Variants in TMEM40 observed in about 807,000 individuals in gnomAD.
TMEM40 encodes the protein transmembrane protein 40.
TMEM40 carries 34 observed loss-of-function variants against 40.8 expected under a neutral mutation model. The observed-to-expected ratio is 0.83, with a 90% CI of 0.63 to 1.11. TMEM40 has a LOEUF of 1.11. Ranked by LOEUF, TMEM40 falls within the 50% of genes least tolerant of loss-of-function variation. The probability of loss-of-function intolerance (pLI) is 0.00; values close to 1 mark genes in which losing one functional copy is unlikely to be tolerated. For missense variants in TMEM40, 296 were observed against 280.2 expected, an observed-to-expected ratio of 1.06 and a Z score of -0.40; for synonymous variants, 106 against 107.0, an observed-to-expected ratio of 0.99 and a Z score of 0.06.
chr3:12,756,322 T>G (rs1446272660), intron 1 of TMEM40, among the ~76,000 whole-genome samples: 4 of 152,130 alleles, frequency 2.6e-5, no homozygotes, highest in African/African-American at 9.7e-5. Flanking sequence ...TGTATATACA[T>G]GTACATATCT....
At position 12,742,456 on chromosome 3, in the gene TMEM40, C is replaced by A. The variant is rs747005245; in HGVS notation, c.353G>T (p.Gly118Val). The A allele has an allele frequency of 6.2e-7, 1 of 1,613,926 alleles. No individual in the cohort carries two copies. Among genetic ancestry groups the A allele is most frequent in the Non-Finnish European group, 8.5e-7 (1 of 1,179,900 alleles). ...DVLKDELQLY[G>V]DAPGEVVPSG... ...AAAGCTACTGGGCAACTGATTACCT[C>A]CATAGAGTTGAAGCTCATCCTTCAA... The change falls in exon 5 of 12, where the codon GGA becomes GTA. Residue 118 changes from glycine to valine, a missense_variant and splice_region_variant. Coordinates refer to ENST00000314124, the MANE Select transcript of TMEM40 (RefSeq NM_018306.4).
intron 1 of TMEM40, among the ~76,000 whole-genome samples, chr3:12,757,119 G>T (rs1218006141): frequency 2.0e-5 from 3 of 152,112 alleles, no homozygotes; most frequent in African/African-American, 7.2e-5. Context: ...ACGGACAGAG[G>T]ATTCGAATAG....
At chr3:12,748,878 G>A (rs866779287) in intron 2 of TMEM40, 86 bp from the exon 3 acceptor site, 1 of 1,230,614 alleles carries the variant, frequency 8.1e-7, no homozygotes, top group African/African-American at 1.5e-5. Flanking sequence ...GGTTCTACTT[G>A]GATTTGGAGA....
At position 12,741,767 on chromosome 3, in the gene TMEM40, CAAAA is replaced by C. The variant is rs59665318; in HGVS notation, c.355+683_355+686del. ...AACCAGATTATACTTGTTTTTGTAA[CAAAA>C]AAAAAAAAAAAAAGAAAGAAGGAAA... On this transcript the variant is annotated intron_variant, in intron 5 of 11. Transcript: ENST00000314124. Among the ~76,000 whole-genome samples the C allele has an allele frequency of 7.2e-5, 9 of 125,626 alleles. 1 individual carries two copies. Among genetic ancestry groups the C allele is most frequent in the South Asian group, 5.9e-4 (2 of 3,402 alleles). The allele number at this position is 125,626 out of a possible 152,430, so 82.4% of individuals were successfully genotyped here. A position where few individuals can be genotyped will look rare whatever the true frequency, so the allele number is the denominator to read the frequency against.
At chr3:12,740,661 C>A (rs13433775) in intron 5 of TMEM40, among the ~76,000 whole-genome samples, 63,686 of 151,542 alleles carry the variant, frequency 0.42, 13,606 homozygotes, top group Non-Finnish European at 0.46. Context: ...AGTTCAAGAC[C>A]AGCTTGGGCC....
chr3:12,740,968 C>G (rs1381784405), intron 5 of TMEM40, among the ~76,000 whole-genome samples: 2 of 152,156 alleles, frequency 1.3e-5, no homozygotes, highest in Admixed American at 1.3e-4. Context: ...TTTGCACATG[C>G]CTGCTCCAGG....
intron 5 of TMEM40, among the ~76,000 whole-genome samples, chr3:12,740,697 AAAAT>A (rs1466954857): frequency 6.6e-6 from 1 of 151,992 alleles, no homozygotes; most frequent in Non-Finnish European, 1.5e-5. Flanking sequence ...GTCTCTACCA[AAAAT>A]ACAAAAATTA....
rs114353312 is a variant in TMEM40 at position 12,749,494 on chromosome 3, G to A, written c.73+266C>T. Among the ~76,000 whole-genome samples, 559 of 152,286 alleles carry A rather than the reference G, an allele frequency of 3.7e-3. 4 individuals are homozygous for A. Among genetic ancestry groups the A allele is most frequent in the African/African-American group, 0.013 (523 of 41,572 alleles). ...ACAGGACCCTCTCCACCTTCTAGGG[G>A]TGCTCCCTAGTGCCAGCCCAAGCCC... On this transcript the variant is annotated intron_variant, in intron 2 of 11. Transcript: ENST00000314124.
upstream of TMEM40, among the ~76,000 whole-genome samples, chr3:12,761,292 T>C (rs2061566957): frequency 6.6e-6 from 1 of 152,140 alleles, no homozygotes; most frequent in African/African-American, 2.4e-5. Flanking sequence ...GAGAGGGACA[T>C]GACCAAACCT....
At chr3:12,740,600 G>A (rs2106608844) in intron 5 of TMEM40, among the ~76,000 whole-genome samples, 1 of 148,422 alleles carries the variant, frequency 6.7e-6, no homozygotes, top group Non-Finnish European at 1.5e-5. Flanking sequence ...CTTCACTCTT[G>A]TAATCCCAGC....
chr3:12,768,592 G>A (rs1450140236), intron 1 of TMEM40, among the ~76,000 whole-genome samples: 1 of 144,006 alleles, frequency 6.9e-6, no homozygotes, highest in Non-Finnish European at 1.5e-5. Context: ...CAAACCCTGA[G>A]CTAGACACAG....
At chr3:12,742,651 A>T in intron 4 of TMEM40, 144 bp from the exon 5 acceptor site, 1 of 865,446 alleles carries the variant, frequency 1.2e-6, no homozygotes, top group Non-Finnish European at 1.8e-6. Context: ...GAGGCAAGGC[A>T]GCACAAGTAC....
chr3:12,737,300 C>T (rs145840636), intron 8 of TMEM40, among the ~76,000 whole-genome samples: 2 of 152,008 alleles, frequency 1.3e-5, no homozygotes, highest in Admixed American at 6.6e-5. Flanking sequence ...AGGGAAGTTG[C>T]TCCCATTTTC....
intron 7 of TMEM40, 53 bp from the exon 8 acceptor site, chr3:12,737,807 G>A: frequency 1.9e-6 from 3 of 1,565,070 alleles, no homozygotes; most frequent in Non-Finnish European, 1.8e-6. Context: ...ACGGGAGGTG[G>A]GATTTTCTTT....
At chr3:12,753,344 G>A (rs2106618554) in intron 1 of TMEM40, among the ~76,000 whole-genome samples, 1 of 150,608 alleles carries the variant, frequency 6.6e-6, no homozygotes, top group South Asian at 2.1e-4. Context: ...AACCTCCCGA[G>A]TAGCTGGGAC....
intron 1 of TMEM40, among the ~76,000 whole-genome samples, chr3:12,755,023 T>C (rs2061508373): frequency 6.7e-6 from 1 of 149,246 alleles, no homozygotes; most frequent in Non-Finnish European, 1.5e-5. Flanking sequence ...TCTCTCTCCT[T>C]CCCCCTCCCT....
upstream of TMEM40, among the ~76,000 whole-genome samples, chr3:12,762,885 TG>T (rs1052031046): frequency 3.3e-5 from 5 of 152,142 alleles, no homozygotes; most frequent in African/African-American, 1.2e-4. Flanking sequence ...TAAATGCAGC[TG>T]GGCGCGGTGG....
At chr3:12,763,767 T>G (rs912044055), upstream of TMEM40, among the ~76,000 whole-genome samples, 1 of 152,120 alleles carries the variant, frequency 6.6e-6, no homozygotes, top group Non-Finnish European at 1.5e-5. Flanking sequence ...GGTGTTCTTG[T>G]GATGAGGCTG....
chr3:12,749,271 G>C (rs1234624453), intron 2 of TMEM40, among the ~76,000 whole-genome samples: 1 of 152,106 alleles, frequency 6.6e-6, no homozygotes, highest in Non-Finnish European at 1.5e-5. Flanking sequence ...TGATCTGCCC[G>C]CCTCGGCCTC....
Sources: allele counts gnomAD v4.1 joint callset (sites outside exome capture counted in the v4.1 genomes callset), GRCh38; gene constraint gnomAD v4.1.1; transcripts MANE v1.5; gene names NCBI Gene and HGNC (gene_info 2026-07-23, HGNC 2026-07-21).